ZHX1: variants seen among roughly 807,000 people sequenced by gnomAD.
The protein encoded by ZHX1 is zinc fingers and homeoboxes protein 1.
In ZHX1, 20 loss-of-function variants were observed where a neutral mutation model predicts 61.8. The observed-to-expected ratio is 0.32, with a 90% CI of 0.23 to 0.47. ZHX1 has a LOEUF of 0.47. Ranked by LOEUF, ZHX1 falls within the 20% of genes least tolerant of loss-of-function variation. ZHX1 has a pLI of 1.00. For synonymous variants in ZHX1, 318 were observed against 352.6 expected (o/e 0.90, Z 1.10); for missense variants, 800 against 1,034.8 (o/e 0.77, Z 3.11).
intron 2 of ZHX1, among the ~76,000 whole-genome samples, chr8:123,266,753 C>T (rs975965195): frequency 6.6e-6 from 1 of 151,976 alleles, no homozygotes; most frequent in Non-Finnish European, 1.5e-5. Context: ...GATCAATATT[C>T]AAATATTTAA....
At chr8:123,270,333 T>C (rs991821368) in intron 1 of ZHX1, among the ~76,000 whole-genome samples, 4 of 152,082 alleles carry the variant, frequency 2.6e-5, no homozygotes, top group Admixed American at 2.6e-4. Flanking sequence ...TCTTGAGAAA[T>C]AGGAAATCAC....
chr8:123,271,930 T>C (rs917992974), intron 1 of ZHX1, among the ~76,000 whole-genome samples: 6 of 152,246 alleles, frequency 3.9e-5, no homozygotes, highest in Non-Finnish European at 7.3e-5. Context: ...GGCACATTTA[T>C]GTTTTCGGAT....
intron 1 of ZHX1, among the ~76,000 whole-genome samples, chr8:123,270,248 CCTAT>C (rs1826600107): frequency 6.6e-6 from 1 of 151,922 alleles, no homozygotes; most frequent in South Asian, 2.1e-4. Flanking sequence ...ATCAGAACCT[CCTAT>C]CTTCTTTCAT....
At chr8:123,256,251 T>C (rs1307366939) in intron 2 of ZHX1, 80 bp from the exon 3 acceptor site, 4 of 215,388 alleles carry the variant, frequency 1.9e-5, no homozygotes, top group Non-Finnish European at 3.6e-5. Context: ...AGTTCACTTA[T>C]ATGAAGTGGC....
intron 1 of ZHX1, among the ~76,000 whole-genome samples, chr8:123,272,112 G>T (rs1826675753): frequency 6.6e-6 from 1 of 152,236 alleles, no homozygotes; most frequent in Non-Finnish European, 1.5e-5. Context: ...TATTTGAACT[G>T]TATCTTTAAA....
intron 2 of ZHX1, among the ~76,000 whole-genome samples, chr8:123,266,114 C>T (rs975357835): frequency 1.3e-5 from 2 of 152,160 alleles, no homozygotes; most frequent in Admixed American, 6.5e-5. Flanking sequence ...GTACGTAATA[C>T]ATTGAAAGTG....
rs2131180441 is a variant in ZHX1, at chr8:123,249,445, C to T, written c.*879G>A. On this transcript the variant is annotated 3_prime_UTR_variant, in exon 4 of 4. Coordinates refer to ENST00000395571, the MANE Select transcript of ZHX1 (RefSeq NM_007222.5). ...ACTCTTAAAAATTCTGATCTGACAC[C>T]TGTATAAACATTTCTGATTTCCACG... The T allele has an allele frequency of 6.6e-6, 1 of 152,238 alleles. No homozygotes were observed. The highest frequency in any genetic ancestry group is 2.1e-4 in the South Asian group (1 of 4,822). The allele number at this position is 152,238 out of a possible 1,614,324, so 9.4% of individuals were successfully genotyped here.
intron 1 of ZHX1, among the ~76,000 whole-genome samples, chr8:123,271,957 C>T (rs1826668919): frequency 6.6e-6 from 1 of 152,222 alleles, no homozygotes; most frequent in Non-Finnish European, 1.5e-5. Flanking sequence ...TATTTTCAAA[C>T]CATCTGGCAT....
rs1170441844 is a variant in ZHX1 at position 123,254,352 on chromosome 8, T to C, written c.1595A>G (p.Asn532Ser). 4.3e-6 allele frequency: 7 copies of C among 1,614,110 alleles called. No individual in the cohort carries two copies. Among genetic ancestry groups the C allele is most frequent in the Middle Eastern group, 1.7e-4 (1 of 6,058 alleles). ...TATAATAATGGTGGTAGAGGAATCA[T>C]TGTTGAGATGTAAGCACTGATTACT... ...SKSNQCLHLN[N>S]DSSTTIIIDS... Residue 532 changes from asparagine to serine, a missense_variant, in exon 3 of 4, where the codon AAT becomes AGT. By Grantham distance (46) the Asn-to-Ser change is conservative. Coordinates refer to ENST00000395571, the MANE Select transcript of ZHX1 (RefSeq NM_007222.5). The surrounding 1 kb of genome is among the most constrained non-coding windows in gnomAD (Gnocchi z 4.1).
At chr8:123,273,447 C>G (rs904284540) in intron 1 of ZHX1, among the ~76,000 whole-genome samples, 3 of 152,154 alleles carry the variant, frequency 2.0e-5, no homozygotes, top group Admixed American at 6.5e-5. Context: ...GCCCCCACAC[C>G]CCCACGCCCC....
At chr8:123,274,672 C>A (rs73703793), upstream of ZHX1, among the ~76,000 whole-genome samples, 20,206 of 151,652 alleles carry the variant, frequency 0.13, 3,726 homozygotes, top group African/African-American at 0.42. Context: ...TGTCAGGAGA[C>A]GCCCCGCCTT....
rs781269528 is a variant in ZHX1, at chr8:123,254,440, G to A, written c.1507C>T (p.Leu503=). Reference sequence around the variant, plus strand: ...CATTTTTTAATCTCTCCTTTCGTCAGGCCTGTTATTTTCATAAGTCTGATA... The same window carrying A: ...CATTTTTTAATCTCTCCTTTCGTCAAGCCTGTTATTTTCATAAGTCTGATA... The part of the protein sequence containing the change: ...EIIRLMKITG[L]TKGEIKKWFS... Residue 503 remains leucine (L), a synonymous_variant, in exon 3 of 4, where the codon CTG becomes TTG. Transcript: ENST00000395571. The surrounding 1 kb of genome is among the most constrained non-coding windows in gnomAD (Gnocchi z 4.1). 3.8e-5 allele frequency: 61 copies of A among 1,614,090 alleles called. No individual in the cohort carries two copies. The highest frequency in any genetic ancestry group is 5.1e-5 in the Non-Finnish European group (60 of 1,180,006).
At chr8:123,267,732 T>G (rs777694847) in intron 1 of ZHX1, among the ~76,000 whole-genome samples, 1 of 152,152 alleles carries the variant, frequency 6.6e-6, no homozygotes, top group African/African-American at 2.4e-5. Flanking sequence ...CCGGGCGCGG[T>G]GGCTCACACC....
At position 123,253,309 on chromosome 8, in the gene ZHX1, T is replaced by C. The variant is rs374823567; in HGVS notation, c.*3+13A>G. ...ATGAACATATACGCAGATTAAAAAT[T>C]TTCTTAACTTACATTTCAGTCATCT... On this transcript the variant is annotated intron_variant, in intron 3 of 3. Coordinates refer to ENST00000395571, the MANE Select transcript of ZHX1 (RefSeq NM_007222.5). 1.3e-6 allele frequency: 2 copies of C among 1,575,080 alleles called. No homozygotes were observed. Among genetic ancestry groups the C allele is most frequent in the South Asian group, 1.2e-5 (1 of 84,316 alleles).
intron 3 of ZHX1, chr8:123,252,508 T>C (rs1825946753): frequency 6.6e-6 from 1 of 152,220 alleles, no homozygotes; most frequent in African/African-American, 2.4e-5. Context: ...TTAGTGCTGG[T>C]AGCAGGTTTG....
In ZHX1 at chr8:123,253,464, C is replaced by G. The variant is rs1825974295; in HGVS notation, c.2483G>C (p.Gly828Ala). The G allele has an allele frequency of 1.9e-6, 3 of 1,613,984 alleles. No homozygotes were observed. The highest frequency in any genetic ancestry group is 2.5e-6 in the Non-Finnish European group (3 of 1,180,024). The change falls in exon 3 of 4, where the codon GGT (glycine) becomes GCT (alanine). Residue 828 changes from glycine to alanine, a missense_variant. Gly to Ala is a moderately conservative substitution (Grantham distance 60). Transcript: ENST00000395571. ...FAERQRRSELGIELFEENEEE... is the reference protein window; with the variant it reads ...FAERQRRSELAIELFEENEEE... Reference sequence around the variant, plus strand: ...CTCATTTTCCTCAAATAATTCTATACCTAATTCTGATCTTCTCTGTCTTTC... The same window carrying G: ...CTCATTTTCCTCAAATAATTCTATAGCTAATTCTGATCTTCTCTGTCTTTC...
At chr8:123,256,828 T>C (rs990942655) in intron 2 of ZHX1, among the ~76,000 whole-genome samples, 3 of 151,990 alleles carry the variant, frequency 2.0e-5, no homozygotes, top group African/African-American at 4.8e-5. Flanking sequence ...TTCTTCCTAC[T>C]GGTCTATCTC....
At position 123,254,346 on chromosome 8, in the gene ZHX1, G is replaced by T; in HGVS notation, c.1601C>A (p.Ser534Tyr). Residue 534 changes from serine (S) to tyrosine (Y), a missense_variant, in exon 3 of 4, where the codon TCC (serine) becomes TAC (tyrosine). Transcript: ENST00000395571. This position sits in a 1 kb window ranked among gnomAD's most constrained non-coding sequence, Gnocchi z 4.1. ...SNQCLHLNNDSSTTIIIDSSD... is the reference protein window; with the variant it reads ...SNQCLHLNNDYSTTIIIDSSD... ...GGAGTCTATAATAATGGTGGTAGAG[G>T]AATCATTGTTGAGATGTAAGCACTG... 2 of 1,614,062 alleles carry T rather than the reference G, an allele frequency of 1.2e-6. No homozygotes were observed. The highest frequency in any genetic ancestry group is 1.7e-6 in the Non-Finnish European group (2 of 1,179,986).
Sources: gnomAD v4.1 joint callset for allele counts (sites outside exome capture counted in the v4.1 genomes callset) on GRCh38, gnomAD v4.1.1 for gene constraint, Gnocchi (gnomAD v3.1) non-coding constraint, MANE v1.5 for transcripts, NCBI Gene and HGNC (gene_info 2026-07-23, HGNC 2026-07-21) for gene names.